Variants in AGMO observed in about 807,000 individuals in gnomAD.
AGMO encodes the protein glyceryl-ether monooxygenase.
A neutral mutation model predicts 60.2 loss-of-function variants in AGMO; 75 were observed. That is an observed-to-expected ratio of 1.25 (90% CI 1.03 to 1.51). The LOEUF is 1.51. AGMO is among the 40% of genes most tolerant of loss of function. AGMO has a pLI of 0.00. For missense variants in AGMO, 763 were observed against 525.5 expected (o/e 1.45, Z -4.42); for synonymous variants, 261 against 177.1 (o/e 1.47, Z -3.76).
chr7:15,303,336 T>C (rs947982513), intron 12 of AGMO, among the ~76,000 whole-genome samples: 11 of 151,964 alleles, frequency 7.2e-5, no homozygotes, highest in Non-Finnish European at 1.5e-4. Context: ...TTAAGATACA[T>C]TAGGTAAAAA....
intron 12 of AGMO, among the ~76,000 whole-genome samples, chr7:15,352,481 A>T (rs1782281497): frequency 6.6e-6 from 1 of 151,510 alleles, no homozygotes. Flanking sequence ...CAGGGTGCAA[A>T]GGAAGAATAA....
At chr7:15,365,397 A>AAAAAAAAAAAAAAAT in intron 12 of AGMO, 117 bp downstream of exon 12, 4 of 486,312 alleles carry the variant, frequency 8.2e-6, no homozygotes, top group East Asian at 3.6e-5. Context: ...AAAAAAAAAG[A>AAAAAAAAAAAAAAAT]TCAAGATTTC....
chr7:15,240,786 A>G (rs551718347), intron 12 of AGMO, among the ~76,000 whole-genome samples: 2 of 152,180 alleles, frequency 1.3e-5, no homozygotes, highest in Non-Finnish European at 2.9e-5. Flanking sequence ...CACATGCAAT[A>G]TGCTCAGATC....
the AGMO span, among the ~76,000 whole-genome samples, chr7:15,168,465 A>G: frequency 2.0e-5 from 3 of 152,234 alleles, no homozygotes; most frequent in Non-Finnish European, 4.4e-5. Flanking sequence ...GTCAGCCAGC[A>G]TGTGCTGCCC....
At chr7:15,427,334 T>G (rs1781093812) in intron 4 of AGMO, among the ~76,000 whole-genome samples, 1 of 152,166 alleles carries the variant, frequency 6.6e-6, no homozygotes, top group Admixed American at 6.5e-5. Context: ...CAATAATAAC[T>G]CAAAGTGTCG....
chr7:15,269,712 G>A (rs974192351), intron 12 of AGMO, among the ~76,000 whole-genome samples: 1 of 152,030 alleles, frequency 6.6e-6, no homozygotes, highest in Non-Finnish European at 1.5e-5. Flanking sequence ...CGTCAGCCAA[G>A]TAGTGAACAA....
chr7:15,309,474 T>C (rs1031242539), intron 12 of AGMO, among the ~76,000 whole-genome samples: 1 of 152,176 alleles, frequency 6.6e-6, no homozygotes, highest in Non-Finnish European at 1.5e-5. Context: ...CAGTGCCCTA[T>C]TGAAATGTAC....
intron 12 of AGMO, among the ~76,000 whole-genome samples, chr7:15,292,926 T>TC (rs1784314779): frequency 2.0e-5 from 3 of 150,112 alleles, no homozygotes; most frequent in Admixed American, 2.0e-4. Flanking sequence ...TCCAGCTAAT[T>TC]TTTTTTTTGT....
chr7:15,128,808 A>G, the AGMO span, among the ~76,000 whole-genome samples: 2 of 152,110 alleles, frequency 1.3e-5, no homozygotes. Context: ...ATAGACAATC[A>G]GCACTTAAAT....
intron 10 of AGMO, among the ~76,000 whole-genome samples, chr7:15,381,060 T>G (rs1287599105): frequency 1.3e-5 from 2 of 152,140 alleles, no homozygotes; most frequent in Admixed American, 1.3e-4. Context: ...ATGTGAAACC[T>G]AAAACTATAA....
chr7:15,256,550 AG>A lies in AGMO; in HGVS notation c.1264-55192del, dbSNP rs1478778178. Among the ~76,000 whole-genome samples, 9 of 152,104 alleles carry A rather than the reference AG, an allele frequency of 5.9e-5. No homozygotes were observed. In the East Asian group the frequency reaches 1.6e-3, roughly 26 times the overall value. On this transcript the variant is annotated intron_variant, in intron 12 of 12. Transcript: ENST00000342526. ...TTTTTTGTGTGTGTATTTTTAGTAG[AG>A]ACGGAGTTTCACATATTAGCCAGGA...
intron 3 of AGMO, among the ~76,000 whole-genome samples, chr7:15,540,355 A>G (rs1038848175): frequency 1.3e-5 from 2 of 152,172 alleles, no homozygotes; most frequent in African/African-American, 4.8e-5. Flanking sequence ...TGAATGGCAG[A>G]GAATCTTGCC....
the AGMO span, among the ~76,000 whole-genome samples, chr7:15,184,869 AGG>A: frequency 9.7e-6 from 1 of 103,394 alleles, no homozygotes; most frequent in East Asian, 4.1e-4. Flanking sequence ...GAAGGGAGGG[AGG>A]GAAGGAAGGA....
intron 12 of AGMO, among the ~76,000 whole-genome samples, chr7:15,238,988 T>A (rs1309913432): frequency 6.6e-6 from 1 of 152,126 alleles, no homozygotes; most frequent in South Asian, 2.1e-4. Context: ...TATCCGCCAT[T>A]TTACAGATGA....
intron 12 of AGMO, among the ~76,000 whole-genome samples, chr7:15,268,927 G>A (rs1338476822): frequency 1.3e-5 from 2 of 152,014 alleles, no homozygotes; most frequent in East Asian, 1.9e-4. Context: ...GTTGAAGCTG[G>A]GTGTTGACTT....
chr7:15,497,430 G>T (rs1392869083), intron 3 of AGMO, among the ~76,000 whole-genome samples: 1 of 151,880 alleles, frequency 6.6e-6, no homozygotes, highest in Non-Finnish European at 1.5e-5. Flanking sequence ...ATCTAGTTGA[G>T]AAACTATATT....
chr7:15,471,396 C>T (rs1583586305), intron 3 of AGMO, among the ~76,000 whole-genome samples: 1 of 151,848 alleles, frequency 6.6e-6, no homozygotes, highest in East Asian at 1.9e-4. Context: ...CACAGGACCT[C>T]TTATAAGCAT....
intron 12 of AGMO, among the ~76,000 whole-genome samples, chr7:15,217,796 T>C (rs1355472556): frequency 6.6e-6 from 1 of 151,894 alleles, no homozygotes; most frequent in Admixed American, 6.6e-5. Flanking sequence ...GAAATAACAA[T>C]AGAAAGCAAA....
At chr7:15,535,313 T>C (rs1196796578) in intron 3 of AGMO, among the ~76,000 whole-genome samples, 1 of 151,944 alleles carries the variant, frequency 6.6e-6, no homozygotes, top group Non-Finnish European at 1.5e-5. Context: ...GTTATTCCTA[T>C]TTTTCTAGGA....
Sources: allele counts gnomAD v4.1 joint callset (sites outside exome capture counted in the v4.1 genomes callset), GRCh38; gene constraint gnomAD v4.1.1; transcripts MANE v1.5; gene names NCBI Gene and HGNC (gene_info 2026-07-23, HGNC 2026-07-21).